Variants in ETNPPL observed in about 807,000 individuals in gnomAD.
The protein encoded by ETNPPL is alanine--glyoxylate aminotransferase 2-like 1.
ETNPPL carries 30 observed loss-of-function variants against 55.5 expected under a neutral mutation model. That is an observed-to-expected ratio of 0.54 (90% CI 0.40 to 0.73). ETNPPL has a LOEUF of 0.73. ETNPPL is among the 30% of genes least tolerant of loss of function. The probability of loss-of-function intolerance (pLI) is 0.00; values close to 1 mark genes in which losing one functional copy is unlikely to be tolerated. For synonymous variants in ETNPPL, 202 were observed against 207.2 expected, an observed-to-expected ratio of 0.98 and a Z score of 0.21; for missense variants, 528 against 607.9, an observed-to-expected ratio of 0.87 and a Z score of 1.38.
chr4:108,747,782 G>T, intron 9 of ETNPPL: 1 of 425,520 alleles, frequency 2.4e-6, no homozygotes, highest in Non-Finnish European at 4.1e-6. Flanking sequence ...AGGCTGGAAT[G>T]CAGTGGCACA....
At chr4:108,750,520 G>GTGTT (rs1228357199) in intron 7 of ETNPPL, among the ~76,000 whole-genome samples, 6 of 150,022 alleles carry the variant, frequency 4.0e-5, no homozygotes, top group African/African-American at 1.5e-4. Flanking sequence ...GTGTGTGTGT[G>GTGTT]TGTGTATGAT....
chr4:108,743,968 T>G (rs574059918), intron 11 of ETNPPL, 112 bp from the exon 12 acceptor site: 4 of 730,220 alleles, frequency 5.5e-6, no homozygotes, highest in South Asian at 3.3e-5. Flanking sequence ...AAATGTTATG[T>G]GTTAAAAGAA....
At chr4:108,745,529 G>A (rs1362880025) in intron 11 of ETNPPL, among the ~76,000 whole-genome samples, 1 of 151,888 alleles carries the variant, frequency 6.6e-6, no homozygotes, top group East Asian at 1.9e-4. Context: ...GGGAGGCGGA[G>A]GTTGCAGTGA....
At position 108,743,804 on chromosome 4, in the gene ETNPPL, A is replaced by G; in HGVS notation, c.1356T>C (p.Thr452=). 8 of 1,610,090 alleles carry G rather than the reference A, an allele frequency of 5.0e-6. No homozygotes were observed. The highest frequency in any genetic ancestry group is 6.8e-6 in the Non-Finnish European group (8 of 1,176,426). The change falls in exon 12 of 13, where the codon ACT becomes ACC. Residue 452 remains threonine (T), a synonymous_variant. Coordinates refer to ENST00000296486, the MANE Select transcript of ETNPPL (RefSeq NM_031279.4). ...CAACCCTTACCTTTGTTTTGCATGG[A>G]GTATTCTCAGAGGTCACACTTTCGG... ...TKTESVTSEN[T]PCKTKMLKEA... is the part of the protein sequence containing the mutation.
chr4:108,748,159 A>C lies in ETNPPL; in HGVS notation c.928T>G (p.Tyr310Asp). The change falls in exon 9 of 13, where the codon TAT becomes GAT. Residue 310 changes from tyrosine to aspartate, a missense_variant and splice_region_variant. Tyr to Asp is a radical substitution (Grantham distance 160, BLOSUM62 -3). Coordinates refer to ENST00000296486, the MANE Select transcript of ETNPPL (RefSeq NM_031279.4). ...SSSGMEYFNT[Y>D]GGNPVSCAVG... ...GCACAAGATACTGGATTTCCTCCATACTGTAAAAAAAAAAAAGACAAATGA... is the reference window on the plus strand; with the variant it reads ...GCACAAGATACTGGATTTCCTCCATCCTGTAAAAAAAAAAAAGACAAATGA... The C allele has an allele frequency of 6.5e-7, 1 of 1,549,424 alleles. No homozygotes were observed. The highest frequency in any genetic ancestry group is 8.6e-7 in the Non-Finnish European group (1 of 1,161,380).
Position 108,748,077 on chromosome 4 carries a change from T to C in ETNPPL, c.1010A>G (p.Lys337Arg). The change falls in exon 9 of 13, where the codon AAG (lysine) becomes AGG (arginine). Residue 337 changes from lysine (K) to arginine (R), a missense_variant. By Grantham distance (26) the Lys-to-Arg change is conservative. Coordinates refer to ENST00000296486, the MANE Select transcript of ETNPPL (RefSeq NM_031279.4). ...CTCAGTGAGATAATTCCCTACTCTC[T>C]TGGCATTTCCTTGAAGGTCTTCATT... ...IENEDLQGNA[K>R]RVGNYLTELL... 6.2e-7 allele frequency: 1 copy of C among 1,612,364 alleles called. No individual in the cohort carries two copies. The highest frequency in any genetic ancestry group is 8.5e-7 in the Non-Finnish European group (1 of 1,179,096).
In ETNPPL at chr4:108,746,487, A is replaced by G. The variant is rs376990535; in HGVS notation, c.1215T>C (p.His405=). Residue 405 remains histidine (H), a synonymous_variant, in exon 11 of 13, where the codon CAT becomes CAC. Transcript: ENST00000296486. ...KRVLLSADGP[H]RNVLKIKPPM... The stretch of plus-strand genomic sequence containing the variant: ...GTGGTTTTATTTTAAGTACATTTCT[A>G]TGAGGTCCATCGGCACTGAGAAGCA... The G allele has an allele frequency of 5.0e-6, 8 of 1,613,416 alleles. No homozygotes were observed. In the African/African-American group the frequency reaches 6.7e-5, roughly 13 times the overall value.
Position 108,746,516 on chromosome 4 carries a change from G to C in ETNPPL, c.1186C>G (p.Arg396Gly). 1 of 1,612,536 alleles carries C rather than the reference G, an allele frequency of 6.2e-7. No individual in the cohort carries two copies. The highest frequency in any genetic ancestry group is 8.5e-7 in the Non-Finnish European group (1 of 1,179,834). ...QHIIYKMKEKRVLLSADGPHR... is the reference protein window; with the variant it reads ...QHIIYKMKEKGVLLSADGPHR... ...GGTCCATCGGCACTGAGAAGCACTC[G>C]TTTTTCTTTCATCCTAATTTGTGTA... is the stretch of plus-strand genomic sequence containing the variant. Residue 396 changes from arginine to glycine, a missense_variant, in exon 11 of 13, where the codon CGA becomes GGA. Coordinates refer to ENST00000296486, the MANE Select transcript of ETNPPL (RefSeq NM_031279.4).
chr4:108,746,881 C>T (rs770354693), intron 9 of ETNPPL, 30 bp from the exon 10 acceptor site: 2 of 1,481,518 alleles, frequency 1.3e-6, no homozygotes, highest in Non-Finnish European at 1.9e-6. Flanking sequence ...ACTTGACCCA[C>T]AATCTGTCCA....
At position 108,746,835 on chromosome 4, in the gene ETNPPL, T is replaced by A; in HGVS notation, c.1099A>T (p.Ile367Phe). The part of the protein sequence containing the change: ...IGDIRGIGLF[I>F]GIDLVKDHLK... ...TGGTCCTTCACTAAATCAATTCCAA[T>A]AAAAAGGCCAATGCCCCTGCGAGAG... Residue 367 changes from isoleucine to phenylalanine, a missense_variant, in exon 10 of 13, where the codon ATT becomes TTT. Physicochemically the swap from Ile to Phe is conservative, Grantham distance 21. Coordinates refer to ENST00000296486, the MANE Select transcript of ETNPPL (RefSeq NM_031279.4). 1 of 1,613,450 alleles carries A rather than the reference T, an allele frequency of 6.2e-7. No individual in the cohort carries two copies. The highest frequency in any genetic ancestry group is 1.1e-5 in the South Asian group (1 of 91,056).
chr4:108,757,162 G>T (rs922010651), intron 3 of ETNPPL, among the ~76,000 whole-genome samples: 4 of 152,100 alleles, frequency 2.6e-5, no homozygotes, highest in African/African-American at 9.7e-5. Context: ...CCAACCCTAT[G>T]TCATATTTAC....
intron 10 of ETNPPL, 93 bp from the exon 11 acceptor site, chr4:108,746,622 C>T (rs1728513193): frequency 3.4e-6 from 5 of 1,489,586 alleles, no homozygotes; most frequent in East Asian, 2.3e-5. Flanking sequence ...AAGTATTCTG[C>T]ATTTAAGAAG....
At chr4:108,754,259 C>T (rs58905431) in intron 5 of ETNPPL, among the ~76,000 whole-genome samples, 21,748 of 151,782 alleles carry the variant, frequency 0.14, 2,176 homozygotes, top group East Asian at 0.48. Context: ...ACTACAGGCA[C>T]GAGCCACTGT....
chr4:108,760,305 G>T lies in ETNPPL; in HGVS notation c.58C>A (p.Pro20Thr), dbSNP rs149995023. The T allele has an allele frequency of 1.9e-5, 30 of 1,566,174 alleles. No individual in the cohort carries two copies. In the African/African-American group the frequency reaches 3.5e-4, roughly 18 times the overall value. The change falls in exon 2 of 13, where the codon CCC becomes ACC. Residue 20 changes from proline to threonine, a missense_variant and splice_region_variant. Pro to Thr is a conservative substitution (Grantham distance 38). Transcript: ENST00000296486. Reference sequence around the variant, plus strand: ...GATGCAAAGAAAACTTTGCATGAGGGCCTAGAAATAATCAAAGGAAACACT... The same window carrying T: ...GATGCAAAGAAAACTTTGCATGAGGTCCTAGAAATAATCAAAGGAAACACT... ...TLGLRKKHIG[P>T]SCKVFFASDP...
chr4:108,746,550 A>G, intron 10 of ETNPPL, 21 bp from the exon 11 acceptor site: 1 of 1,609,700 alleles, frequency 6.2e-7, no homozygotes, highest in Non-Finnish European at 8.5e-7. Context: ...TAGGAAATAC[A>G]TGTGAGTGTA....
At chr4:108,747,942 C>T in intron 9 of ETNPPL, 63 bp downstream of exon 9, 1 of 1,413,102 alleles carries the variant, frequency 7.1e-7, no homozygotes, top group Non-Finnish European at 9.8e-7. Flanking sequence ...GTTGCCCAGC[C>T]TATAAACTAT....
intron 8 of ETNPPL, 53 bp from the exon 9 acceptor site, chr4:108,748,212 T>G: frequency 7.1e-7 from 1 of 1,400,952 alleles, no homozygotes; most frequent in Non-Finnish European, 9.6e-7. Context: ...ATGAGTGGTA[T>G]TCCCTCATCC....
chr4:108,757,131 G>C (rs1729246095), intron 3 of ETNPPL, among the ~76,000 whole-genome samples: 1 of 152,146 alleles, frequency 6.6e-6, no homozygotes, highest in African/African-American at 2.4e-5. Flanking sequence ...ATGGGAGACT[G>C]AGGGCCCATT....
At chr4:108,757,562 C>T (rs534373432) in intron 3 of ETNPPL, among the ~76,000 whole-genome samples, 51 of 152,254 alleles carry the variant, frequency 3.3e-4, no homozygotes, top group Middle Eastern at 6.8e-3. Context: ...TTCTTGAGGT[C>T]AGGAGTTCAA....
Sources: gnomAD v4.1 joint callset for allele counts (sites outside exome capture counted in the v4.1 genomes callset) on GRCh38, gnomAD v4.1.1 for gene constraint, MANE v1.5 for transcripts, NCBI Gene and HGNC (gene_info 2026-07-23, HGNC 2026-07-21) for gene names.